The following NEK7 variants were observed in gnomAD, a reference collection of about 807,000 sequenced individuals.
NEK7 encodes serine/threonine-protein kinase Nek7.
A neutral mutation model predicts 44.6 loss-of-function variants in NEK7; 18 were observed. The ratio of observed to expected loss-of-function variants is 0.40; its 90% CI spans 0.28 to 0.60. The LOEUF is 0.60. Among genes scored for constraint, NEK7 ranks in the 20% least tolerant of loss-of-function variants. NEK7 has a pLI of 0.38. For missense variants in NEK7, 256 were observed against 366.5 expected (o/e 0.70, Z 2.46); for synonymous variants, 130 against 121.1 (o/e 1.07, Z -0.48).
In NEK7 at chr1:198,293,898, A is replaced by T. The variant is rs147232901; in HGVS notation, c.684+859A>T. ...TTTCATATCTCTGTGTATATGAGAGAAGTCTAAAGAGGATAAATAGAAACC... is the reference window on the plus strand; with the variant it reads ...TTTCATATCTCTGTGTATATGAGAGTAGTCTAAAGAGGATAAATAGAAACC... On this transcript the variant is annotated intron_variant, in intron 8 of 9. Transcript: ENST00000367385. Among the ~76,000 whole-genome samples, 234 of 152,012 alleles carry T rather than the reference A, an allele frequency of 1.5e-3. 2 individuals carry two copies. Among genetic ancestry groups the T allele is most frequent in the African/African-American group, 5.4e-3 (226 of 41,546 alleles).
At chr1:198,184,692 G>A (rs1046909716) in intron 1 of NEK7, among the ~76,000 whole-genome samples, 3 of 151,988 alleles carry the variant, frequency 2.0e-5, no homozygotes, top group African/African-American at 7.3e-5. Context: ...TTTTTAAGAT[G>A]GGATCTTGCT....
At chr1:198,235,090 T>C (rs1666510750) in intron 2 of NEK7, among the ~76,000 whole-genome samples, 1 of 152,170 alleles carries the variant, frequency 6.6e-6, no homozygotes, top group Admixed American at 6.5e-5. Flanking sequence ...CAGTGACTTC[T>C]TTCACTTTTG....
chr1:198,317,874 T>C (rs947919021), intron 9 of NEK7, among the ~76,000 whole-genome samples: 2 of 74,930 alleles, frequency 2.7e-5, no homozygotes, highest in Non-Finnish European at 4.7e-5. Flanking sequence ...ACTGGATATA[T>C]TTATTTTTTT....
intron 2 of NEK7, among the ~76,000 whole-genome samples, chr1:198,242,680 T>G (rs1404570062): frequency 6.6e-6 from 1 of 151,834 alleles, no homozygotes; most frequent in African/African-American, 2.4e-5. Context: ...GCCAGGATGG[T>G]CTCGATCTCC....
chr1:198,311,553 A>G (rs1226660094), intron 9 of NEK7, among the ~76,000 whole-genome samples: 2 of 151,694 alleles, frequency 1.3e-5, no homozygotes, highest in Non-Finnish European at 2.9e-5. Flanking sequence ...TTGCCCATTC[A>G]GTATGATATT....
In NEK7 at chr1:198,275,548, T is replaced by G. The variant is rs115850225; in HGVS notation, c.373-2413T>G. On this transcript the variant is annotated intron_variant, in intron 5 of 9. Coordinates refer to ENST00000367385, the MANE Select transcript of NEK7 (RefSeq NM_133494.3). ...AACATTTATATAGGGCTGCCTTTTT[T>G]CAAGGGAAACAGGATTTTCAAACAA... 6.9e-3 allele frequency among the ~76,000 whole-genome samples: 1,039 copies of G among 151,426 alleles called. 10 individuals carry two copies. The highest frequency in any genetic ancestry group is 0.019 in the African/African-American group (807 of 41,490).
At chr1:198,172,152 G>T (rs1232256362) in intron 1 of NEK7, among the ~76,000 whole-genome samples, 1 of 152,152 alleles carries the variant, frequency 6.6e-6, no homozygotes, top group Non-Finnish European at 1.5e-5. Context: ...AGAAGATAAA[G>T]AGACAGGAGT....
chr1:198,229,420 G>T (rs757188974), intron 1 of NEK7, among the ~76,000 whole-genome samples: 1 of 152,220 alleles, frequency 6.6e-6, no homozygotes, highest in African/African-American at 2.4e-5. Context: ...ATCAAACCCA[G>T]AGAGGGGGTC....
intron 9 of NEK7, among the ~76,000 whole-genome samples, chr1:198,312,758 A>T (rs1324197411): frequency 2.0e-5 from 3 of 150,966 alleles, no homozygotes; most frequent in Non-Finnish European, 4.4e-5. Flanking sequence ...TTTGAGTGAG[A>T]TTCTTAATCC....
At chr1:198,254,986 T>C (rs749065673) in intron 3 of NEK7, among the ~76,000 whole-genome samples, 1 of 152,116 alleles carries the variant, frequency 6.6e-6, no homozygotes, top group Non-Finnish European at 1.5e-5. Context: ...AAAAAGAAAC[T>C]AGTGGTATTA....
At chr1:198,308,185 A>G (rs780420763) in intron 9 of NEK7, among the ~76,000 whole-genome samples, 1 of 152,186 alleles carries the variant, frequency 6.6e-6, no homozygotes, top group Non-Finnish European at 1.5e-5. Context: ...AGACTAAATC[A>G]ACACATGAGT....
chr1:198,262,236 T>A (rs1167747048), intron 3 of NEK7, among the ~76,000 whole-genome samples: 1 of 151,988 alleles, frequency 6.6e-6, no homozygotes, highest in East Asian at 1.9e-4. Flanking sequence ...CATAAGGTTG[T>A]GCAGTACATT....
intron 1 of NEK7, among the ~76,000 whole-genome samples, chr1:198,164,601 G>A (rs1236552412): frequency 6.6e-6 from 1 of 152,170 alleles, no homozygotes; most frequent in African/African-American, 2.4e-5. Flanking sequence ...ATAGCATTAT[G>A]TCTAAAAAAT....
intron 1 of NEK7, among the ~76,000 whole-genome samples, chr1:198,211,938 G>A (rs1036870265): frequency 1.3e-5 from 2 of 152,220 alleles, no homozygotes; most frequent in African/African-American, 2.4e-5. Context: ...ACACACTCCC[G>A]CAGGGGAGCG....
At chr1:198,308,511 T>C (rs1655081097) in intron 9 of NEK7, among the ~76,000 whole-genome samples, 1 of 152,226 alleles carries the variant, frequency 6.6e-6, no homozygotes, top group Non-Finnish European at 1.5e-5. Context: ...CCCTGGTGAA[T>C]ATTTCTGATG....
intron 9 of NEK7, among the ~76,000 whole-genome samples, chr1:198,307,985 G>C (rs1041935825): frequency 3.3e-5 from 5 of 151,922 alleles, no homozygotes; most frequent in Non-Finnish European, 7.4e-5. Flanking sequence ...AAATGCCTTG[G>C]GTTCCAACTC....
chr1:198,211,339 C>A (rs1282180499), intron 1 of NEK7, among the ~76,000 whole-genome samples: 2 of 152,132 alleles, frequency 1.3e-5, no homozygotes, highest in African/African-American at 2.4e-5. Context: ...ATGAAGAATA[C>A]TACAGTTATC....
At chr1:198,251,487 C>A (rs1342375587) in intron 2 of NEK7, among the ~76,000 whole-genome samples, 1 of 150,470 alleles carries the variant, frequency 6.6e-6, no homozygotes, top group Admixed American at 6.6e-5. Flanking sequence ...TAGAATTCGG[C>A]TGTAAATCCA....
intron 8 of NEK7, among the ~76,000 whole-genome samples, chr1:198,295,770 G>C (rs7517410): frequency 0.51 from 76,228 of 150,384 alleles, 22,307 homozygotes; most frequent in East Asian, 0.89. Flanking sequence ...TTTAAGGTAA[G>C]ATCTTAAAGT....
Sources: allele counts gnomAD v4.1 joint callset (sites outside exome capture counted in the v4.1 genomes callset), GRCh38; gene constraint gnomAD v4.1.1; transcripts MANE v1.5; gene names NCBI Gene and HGNC (gene_info 2026-07-23, HGNC 2026-07-21).